Variants in CHMP3 observed in about 807,000 individuals in gnomAD.
The protein encoded by CHMP3 is 25.1 protein.
CHMP3 carries 8 observed loss-of-function variants against 27.4 expected under a neutral mutation model. That is an observed-to-expected ratio of 0.29 (90% CI 0.17 to 0.53). The LOEUF is 0.53. Among genes scored for constraint, CHMP3 ranks in the 20% least tolerant of loss-of-function variants. The pLI, the probability that CHMP3 is intolerant of heterozygous loss-of-function variation, is 0.96. For synonymous variants in CHMP3, 86 were observed against 85.5 expected (o/e 1.01, Z -0.03); for missense variants, 208 against 271.5 (o/e 0.77, Z 1.64).
intron 2 of CHMP3, among the ~76,000 whole-genome samples, chr2:86,534,732 T>A (rs776771957): frequency 1.3e-5 from 2 of 152,196 alleles, no homozygotes; most frequent in African/African-American, 4.8e-5. Flanking sequence ...TCTCATATAA[T>A]CTTTATTTAA....
At chr2:86,547,338 T>C (rs1264401870) in intron 1 of CHMP3, among the ~76,000 whole-genome samples, 1 of 152,358 alleles carries the variant, frequency 6.6e-6, no homozygotes, top group East Asian at 1.9e-4. Context: ...CTTCAGAAAC[T>C]TTCTATGTAT....
intron 2 of CHMP3, among the ~76,000 whole-genome samples, chr2:86,533,398 T>C (rs1676002189): frequency 6.6e-6 from 1 of 152,206 alleles, no homozygotes; most frequent in Non-Finnish European, 1.5e-5. Context: ...CTATTCTTTT[T>C]CTGTTCTGTC....
chr2:86,544,650 C>G (rs1676495116), intron 1 of CHMP3, among the ~76,000 whole-genome samples: 1 of 152,136 alleles, frequency 6.6e-6, no homozygotes, highest in Admixed American at 6.5e-5. Flanking sequence ...TCAGAGAGCA[C>G]CGGGTTTGGG....
At chr2:86,537,145 G>A (rs987892946) in intron 2 of CHMP3, among the ~76,000 whole-genome samples, 2 of 152,152 alleles carry the variant, frequency 1.3e-5, no homozygotes, top group South Asian at 2.1e-4. Context: ...GATTACAGGC[G>A]TTAGCCATTG....
intron 3 of CHMP3, among the ~76,000 whole-genome samples, chr2:86,513,921 C>T (rs7559738): frequency 1.3e-5 from 2 of 152,178 alleles, no homozygotes; most frequent in African/African-American, 2.4e-5. Context: ...ACCCCAGCTC[C>T]GCCATTTCCT....
intron 4 of CHMP3, among the ~76,000 whole-genome samples, chr2:86,510,140 CTT>C (rs1217575506): frequency 3.9e-5 from 6 of 152,174 alleles, no homozygotes; most frequent in Non-Finnish European, 7.4e-5. Context: ...TCTGGGTAGA[CTT>C]TTGCTTCTTC....
Position 86,513,480 on chromosome 2 carries a change from C to T in CHMP3, c.287-3001G>A, listed in dbSNP as rs13395457. 9.3e-3 allele frequency among the ~76,000 whole-genome samples: 1,420 copies of T among 152,200 alleles called. 28 individuals are homozygous for T. The highest frequency in any genetic ancestry group is 0.032 in the African/African-American group (1,345 of 41,516). ...CGAATGTACAACACCAAGAGTGAAT[C>T]CTAATGTAAACTATGGACTTTGGGT... On this transcript the variant is annotated intron_variant, in intron 3 of 5. Transcript: ENST00000263856.
chr2:86,538,043 T>G (rs1676217764), intron 2 of CHMP3, among the ~76,000 whole-genome samples: 1 of 152,130 alleles, frequency 6.6e-6, no homozygotes, highest in Non-Finnish European at 1.5e-5. Flanking sequence ...GATGAGTATA[T>G]AAATAAAATA....
In CHMP3 at chr2:86,563,318, G is replaced by C. The variant is rs1259181723; in HGVS notation, c.31C>G (p.Pro11Ala). The C allele has an allele frequency of 6.2e-7, 1 of 1,614,060 alleles. No homozygotes were observed. Residue 11 changes from proline to alanine, a missense_variant, in exon 1 of 6, where the codon CCG (proline) becomes GCG (alanine). By Grantham distance (27) the Pro-to-Ala change is conservative. Around this residue, in one of 3 missense-constraint regions of CHMP3, gnomAD observed 52 missense variants for 43.5 expected, o/e 1.19. Coordinates refer to ENST00000263856, the MANE Select transcript of CHMP3 (RefSeq NM_016079.4). Reference protein sequence around the residue: MGLFGKTQEKPPKELVNEWSL... With the variant: MGLFGKTQEKAPKELVNEWSL... ...GTAGCCCTTACCAGTTCTTTGGGCG[G>C]CTTCTCCTGGGTCTTTCCAAACAGC...
intron 3 of CHMP3, among the ~76,000 whole-genome samples, chr2:86,513,601 C>G (rs1675185007): frequency 6.6e-6 from 1 of 152,174 alleles, no homozygotes; most frequent in Non-Finnish European, 1.5e-5. Flanking sequence ...AGTGTGAGGG[C>G]AGGGGTATGT....
intron 1 of CHMP3, 192 bp downstream of exon 1, chr2:86,563,112 C>T: frequency 1.7e-6 from 1 of 599,708 alleles, no homozygotes; most frequent in Non-Finnish European, 3.0e-6. Flanking sequence ...AGCCATGGCA[C>T]CAGGAGCTCT....
chr2:86,550,784 T>C (rs1676878315), intron 1 of CHMP3, among the ~76,000 whole-genome samples: 1 of 152,202 alleles, frequency 6.6e-6, no homozygotes, highest in Admixed American at 6.5e-5. Flanking sequence ...CATGTAGACT[T>C]TTCCCATCAT....
chr2:86,509,993 C>T (rs1163861041), intron 4 of CHMP3, among the ~76,000 whole-genome samples: 1 of 152,184 alleles, frequency 6.6e-6, no homozygotes, highest in African/African-American at 2.4e-5. Flanking sequence ...ACTACAGCTG[C>T]TGCAGGCCAA....
At chr2:86,508,662 A>G (rs890387937) in intron 4 of CHMP3, among the ~76,000 whole-genome samples, 1 of 152,154 alleles carries the variant, frequency 6.6e-6, no homozygotes, top group African/African-American at 2.4e-5. Flanking sequence ...GCTCCCTTGT[A>G]CTCAGCCAGG....
intron 1 of CHMP3, among the ~76,000 whole-genome samples, chr2:86,546,242 C>A (rs963007355): frequency 6.6e-6 from 1 of 151,892 alleles, no homozygotes; most frequent in Non-Finnish European, 1.5e-5. Context: ...TGCGTGCCTG[C>A]AATCCTAGGC....
chr2:86,532,062 C>T (rs1343260302), intron 2 of CHMP3, among the ~76,000 whole-genome samples: 1 of 152,158 alleles, frequency 6.6e-6, no homozygotes, highest in Non-Finnish European at 1.5e-5. Context: ...GACATCTTAA[C>T]AATATCTAAT....
rs1454528777 is a variant in CHMP3, at chr2:86,507,611, G to A, written c.409-18C>T. ...ATCCCAGCCTAAACAGAATAAATAT[G>A]TCACTTCGGTCAACTGTTAAATCTG... is the stretch of plus-strand genomic sequence containing the variant. On this transcript the variant is annotated intron_variant, in intron 4 of 5. Transcript: ENST00000263856. 4 of 1,603,898 alleles carry A rather than the reference G, an allele frequency of 2.5e-6. No homozygotes were observed. The highest frequency in any genetic ancestry group is 2.6e-6 in the Non-Finnish European group (3 of 1,170,928).
rs369523180 is a variant in CHMP3, at chr2:86,516,541, T to C, written c.287-6062A>G. On this transcript the variant is annotated intron_variant, in intron 3 of 5. Coordinates refer to ENST00000263856, the MANE Select transcript of CHMP3 (RefSeq NM_016079.4). ...AGAAGATGTAGAAAAACAGGATCAC[T>C]CATACATTGGCTGGTGGGAATTTAA... Among the ~76,000 whole-genome samples, 9 of 152,324 alleles carry C rather than the reference T, an allele frequency of 5.9e-5. No homozygotes were observed. In the East Asian group the frequency reaches 1.5e-3, roughly 26 times the overall value.
intron 1 of CHMP3, among the ~76,000 whole-genome samples, chr2:86,554,846 TA>T (rs1456080998): frequency 1.5e-4 from 20 of 134,174 alleles, no homozygotes; most frequent in Non-Finnish European, 2.5e-4. Context: ...TGTGTGTGTG[TA>T]GATTTTTTTT....
Sources: allele counts gnomAD v4.1 joint callset (sites outside exome capture counted in the v4.1 genomes callset), GRCh38; gene constraint gnomAD v4.1.1; regional missense constraint gnomAD v4.1.1; transcripts MANE v1.5; gene names NCBI Gene and HGNC (gene_info 2026-07-23, HGNC 2026-07-21).